CYP19A1: variants seen among roughly 807,000 people sequenced by gnomAD.
CYP19A1 encodes aromatase.
Under a neutral mutation model 44.4 loss-of-function variants are expected in CYP19A1, and 32 were observed. The observed-to-expected ratio is 0.72, with a 90% CI of 0.54 to 0.97. The LOEUF is 0.97. CYP19A1 is among the 50% of genes least tolerant of loss of function. CYP19A1 has a pLI of 0.00. For synonymous variants in CYP19A1, 212 were observed against 215.6 expected, an observed-to-expected ratio of 0.98 and a Z score of 0.14; for missense variants, 598 against 637.8, an observed-to-expected ratio of 0.94 and a Z score of 0.67.
At chr15:51,276,145 G>A (rs899435473) in intron 1 of CYP19A1, among the ~76,000 whole-genome samples, 3 of 152,256 alleles carry the variant, frequency 2.0e-5, no homozygotes, top group Middle Eastern at 3.4e-3. Flanking sequence ...ATGTAAGTGC[G>A]TGTCTCAGAA....
At chr15:51,300,586 G>C (rs539682350) in intron 1 of CYP19A1, among the ~76,000 whole-genome samples, 6 of 152,030 alleles carry the variant, frequency 3.9e-5, no homozygotes, top group Non-Finnish European at 8.8e-5. Flanking sequence ...CTCCCACCAC[G>C]CCTGCCAGGC....
At chr15:51,305,973 G>T (rs772374847) in intron 1 of CYP19A1, among the ~76,000 whole-genome samples, 2 of 152,172 alleles carry the variant, frequency 1.3e-5, no homozygotes, top group Admixed American at 6.5e-5. Context: ...CATCTGGGGC[G>T]CTATGAGAAG....
At chr15:51,319,662 A>G (rs1264567981) in intron 1 of CYP19A1, among the ~76,000 whole-genome samples, 1 of 152,244 alleles carries the variant, frequency 6.6e-6, no homozygotes, top group Non-Finnish European at 1.5e-5. Flanking sequence ...GTCTTCATAT[A>G]TAGCAAAACT....
chr15:51,299,613 G>A (rs2036070466), intron 1 of CYP19A1, among the ~76,000 whole-genome samples: 1 of 152,230 alleles, frequency 6.6e-6, no homozygotes, highest in African/African-American at 2.4e-5. Context: ...AAAAGGCCAT[G>A]AGGAGTGTTT....
At chr15:51,264,692 C>G (rs1393558854) in intron 1 of CYP19A1, among the ~76,000 whole-genome samples, 2 of 152,124 alleles carry the variant, frequency 1.3e-5, no homozygotes, top group African/African-American at 4.8e-5. Flanking sequence ...TTGGATGCAG[C>G]TGGGGAAACA....
intron 1 of CYP19A1, among the ~76,000 whole-genome samples, chr15:51,266,170 G>A (rs1176807183): frequency 6.6e-6 from 1 of 152,232 alleles, no homozygotes; most frequent in Non-Finnish European, 1.5e-5. Flanking sequence ...GCCAGGCTGG[G>A]AGAAGAGCAA....
In CYP19A1 at chr15:51,285,632, A is replaced by G. The variant is rs530226705; in HGVS notation, c.-38-42682T>C. Among the ~76,000 whole-genome samples the G allele has an allele frequency of 3.3e-5, 5 of 152,300 alleles. No homozygotes were observed. In the South Asian group the frequency reaches 1.0e-3, roughly 32 times the overall value. ...TCCTTGCTTCTAGCTTAAACTGGAAAAACATGCTCCCCATTATCTCAAGTA... is the reference window on the plus strand; with the variant it reads ...TCCTTGCTTCTAGCTTAAACTGGAAGAACATGCTCCCCATTATCTCAAGTA... On this transcript the variant is annotated intron_variant, in intron 1 of 9. Transcript: ENST00000396402.
At chr15:51,262,303 A>ATC (rs2034756781) in intron 1 of CYP19A1, among the ~76,000 whole-genome samples, 1 of 152,074 alleles carries the variant, frequency 6.6e-6, no homozygotes, top group African/African-American at 2.4e-5. Flanking sequence ...ATGTGGGTAA[A>ATC]TCTCTGTTCA....
At chr15:51,274,554 A>C (rs1399561682) in intron 1 of CYP19A1, among the ~76,000 whole-genome samples, 1 of 152,220 alleles carries the variant, frequency 6.6e-6, no homozygotes, top group African/African-American at 2.4e-5. Context: ...GTATCTGCCT[A>C]CAAATACCAT....
intron 4 of CYP19A1, among the ~76,000 whole-genome samples, chr15:51,226,566 C>T (rs559516094): frequency 8.8e-4 from 134 of 152,270 alleles, no homozygotes; most frequent in African/African-American, 3.0e-3. Flanking sequence ...ATAGCTCCCC[C>T]CATCTCAGCA....
At chr15:51,316,931 A>G (rs1240328606) in intron 1 of CYP19A1, among the ~76,000 whole-genome samples, 1 of 152,086 alleles carries the variant, frequency 6.6e-6, no homozygotes, top group East Asian at 1.9e-4. Context: ...TGCTGGCTAA[A>G]TGAGAATAAG....
At chr15:51,314,332 A>G (rs1221622402) in intron 1 of CYP19A1, among the ~76,000 whole-genome samples, 2 of 152,066 alleles carry the variant, frequency 1.3e-5, no homozygotes, top group Non-Finnish European at 2.9e-5. Context: ...TGATTTTGGG[A>G]AAGAGGGACT....
chr15:51,281,249 T>C (rs1340154134), intron 1 of CYP19A1, among the ~76,000 whole-genome samples: 1 of 152,220 alleles, frequency 6.6e-6, no homozygotes, highest in Non-Finnish European at 1.5e-5. Context: ...CACAACTCTA[T>C]TCTGTTTCTC....
rs546798498 is a variant in CYP19A1, at chr15:51,312,719, C to G, written c.-39+25776G>C. 7 of 152,458 alleles carry G rather than the reference C, an allele frequency of 4.6e-5. No homozygotes were observed. The East Asian group carries it at 1.3e-3, about 29-fold the overall frequency. The allele number at this position is 152,458 out of a possible 1,614,324, so 9.4% of individuals were successfully genotyped here. On this transcript the variant is annotated intron_variant, in intron 1 of 9. Coordinates refer to ENST00000396402, the MANE Select transcript of CYP19A1 (RefSeq NM_000103.4). ...GAGAGCTGGCTCCAAACCCTTCTCT[C>G]CCGCTTCCATTCCCTCCTTTGCCCT...
At position 51,234,225 on chromosome 15, in the gene CYP19A1, C is replaced by T. The variant is rs780534541; in HGVS notation, c.296+2634G>A. On this transcript the variant is annotated intron_variant, in intron 3 of 9. Coordinates refer to ENST00000396402, the MANE Select transcript of CYP19A1 (RefSeq NM_000103.4). Reference sequence around the variant, plus strand: ...TGGGGACAAACATGTCCTATTCCCGCGGGGAGCTCAGCCTTTAACAACAAA... The same window carrying T: ...TGGGGACAAACATGTCCTATTCCCGTGGGGAGCTCAGCCTTTAACAACAAA... Among the ~76,000 whole-genome samples the T allele has an allele frequency of 9.2e-5, 14 of 152,206 alleles. No individual in the cohort carries two copies. In the East Asian group the frequency reaches 9.6e-4, roughly 10 times the overall value.
At chr15:51,245,146 C>A (rs932324338) in intron 1 of CYP19A1, among the ~76,000 whole-genome samples, 1 of 152,096 alleles carries the variant, frequency 6.6e-6, no homozygotes, top group East Asian at 1.9e-4. Flanking sequence ...GATTGCTTTG[C>A]ACGGTTTTAG....
intron 1 of CYP19A1, among the ~76,000 whole-genome samples, chr15:51,244,065 C>T (rs1312861606): frequency 2.6e-5 from 4 of 152,218 alleles, no homozygotes; most frequent in South Asian, 4.1e-4. Flanking sequence ...CTCAATCAGA[C>T]TTGTGCTGGG....
At chr15:51,223,572 C>CTG (rs2032302567) in intron 4 of CYP19A1, among the ~76,000 whole-genome samples, 1 of 52,476 alleles carries the variant, frequency 1.9e-5, no homozygotes, top group Non-Finnish European at 4.9e-5. Context: ...CTCTCTCTTG[C>CTG]TCTCTCTCTC....
intron 1 of CYP19A1, among the ~76,000 whole-genome samples, chr15:51,297,282 TCC>T (rs2036013961): frequency 3.3e-5 from 5 of 152,256 alleles, no homozygotes; most frequent in Admixed American, 3.3e-4. Flanking sequence ...GCCAGCCCTC[TCC>T]CTCATCTCCA....
Sources: gnomAD v4.1 joint callset for allele counts (sites outside exome capture counted in the v4.1 genomes callset) on GRCh38, gnomAD v4.1.1 for gene constraint, MANE v1.5 for transcripts, NCBI Gene and HGNC (gene_info 2026-07-23, HGNC 2026-07-21) for gene names.